The following CNBD1 variants were observed in gnomAD, a reference collection of about 807,000 sequenced individuals.
CNBD1 encodes cyclic nucleotide-binding domain-containing protein 1.
A neutral mutation model predicts 54.4 loss-of-function variants in CNBD1; 71 were observed. The observed-to-expected ratio is 1.30, with a 90% CI of 1.08 to 1.59. The LOEUF is 1.59. Among genes scored for constraint, CNBD1 ranks in the 40% most tolerant of loss-of-function variants. The pLI is 0.00. For synonymous variants in CNBD1, 182 were observed against 170.7 expected (o/e 1.07, Z -0.51); for missense variants, 659 against 518.0 (o/e 1.27, Z -2.64).
At chr8:86,960,844 G>A (rs575052628) in intron 4 of CNBD1, among the ~76,000 whole-genome samples, 1 of 152,286 alleles carries the variant, frequency 6.6e-6, no homozygotes, top group East Asian at 1.9e-4. Context: ...CTGTTCTGCA[G>A]TCTCCGCTGG....
intron 8 of CNBD1, among the ~76,000 whole-genome samples, chr8:87,321,165 C>T (rs1035313350): frequency 1.7e-5 from 1 of 59,674 alleles, no homozygotes; most frequent in Admixed American, 1.4e-4. Flanking sequence ...TTTTGAGATC[C>T]TGATTTCAAT....
chr8:87,275,662 C>G (rs965267370), intron 6 of CNBD1, among the ~76,000 whole-genome samples: 11 of 150,796 alleles, frequency 7.3e-5, no homozygotes, highest in Admixed American at 2.0e-4. Context: ...AAAACTGGCA[C>G]AAGACAGGGA....
chr8:86,908,323 T>A (rs1379667018), intron 3 of CNBD1, among the ~76,000 whole-genome samples: 1 of 152,246 alleles, frequency 6.6e-6, no homozygotes, highest in Non-Finnish European at 1.5e-5. Flanking sequence ...AATTTTGGTA[T>A]ATTCATATAT....
At chr8:87,203,139 G>A (rs562359311) in intron 4 of CNBD1, among the ~76,000 whole-genome samples, 4 of 152,198 alleles carry the variant, frequency 2.6e-5, no homozygotes, top group Admixed American at 1.3e-4. Context: ...ATGGGAATAC[G>A]CTTGGTAAAG....
At chr8:87,366,036 G>T (rs1476598656) in intron 10 of CNBD1, among the ~76,000 whole-genome samples, 1 of 151,970 alleles carries the variant, frequency 6.6e-6, no homozygotes, top group Admixed American at 6.6e-5. Context: ...ATCTAGCCTG[G>T]TAAGAAGCCA....
intron 1 of CNBD1, among the ~76,000 whole-genome samples, chr8:86,879,188 ATTAT>A (rs1808567853): frequency 6.6e-6 from 1 of 152,096 alleles, no homozygotes; most frequent in South Asian, 2.1e-4. Context: ...TCACATTATT[ATTAT>A]TTATTCATTA....
At chr8:87,388,795 C>T (rs528733104) in intron 2 of CNBD1, among the ~76,000 whole-genome samples, 2 of 152,086 alleles carry the variant, frequency 1.3e-5, no homozygotes, top group East Asian at 3.9e-4. Flanking sequence ...AGAGACACAA[C>T]AAAAAAAGAC....
intron 4 of CNBD1, among the ~76,000 whole-genome samples, chr8:87,146,166 A>G (rs547616355): frequency 1.6e-4 from 25 of 152,262 alleles, no homozygotes; most frequent in Non-Finnish European, 3.1e-4. Context: ...AAGTTTTACA[A>G]TTATAATTAT....
chr8:87,040,657 C>G (rs966809481), intron 4 of CNBD1, among the ~76,000 whole-genome samples: 1 of 151,786 alleles, frequency 6.6e-6, no homozygotes, highest in Non-Finnish European at 1.5e-5. Flanking sequence ...ATCTCCTGAC[C>G]TCGTGATCCA....
chr8:87,153,227 G>A (rs1812644066), intron 4 of CNBD1, among the ~76,000 whole-genome samples: 1 of 152,104 alleles, frequency 6.6e-6, no homozygotes, highest in Admixed American at 6.6e-5. Context: ...CTAGTCTCTT[G>A]GGAAAGAAAA....
At chr8:86,940,359 G>A (rs1017442418) in intron 4 of CNBD1, among the ~76,000 whole-genome samples, 1 of 152,010 alleles carries the variant, frequency 6.6e-6, no homozygotes, top group Non-Finnish European at 1.5e-5. Context: ...TAGGGACAGG[G>A]TTTCACCATG....
downstream of CNBD1, among the ~76,000 whole-genome samples, chr8:87,385,524 C>A (rs1203583468): frequency 6.6e-6 from 1 of 152,018 alleles, no homozygotes; most frequent in Non-Finnish European, 1.5e-5. Context: ...TCATTGCTAG[C>A]ACAGCAGTCT....
chr8:87,357,356 C>T (rs1280715883), intron 10 of CNBD1, among the ~76,000 whole-genome samples: 1 of 152,170 alleles, frequency 6.6e-6, no homozygotes, highest in Non-Finnish European at 1.5e-5. Flanking sequence ...AACTCCAACC[C>T]ATGAAAGAAG....
chr8:86,963,562 G>A (rs900710050), intron 4 of CNBD1, among the ~76,000 whole-genome samples: 5 of 152,164 alleles, frequency 3.3e-5, no homozygotes, highest in Non-Finnish European at 5.9e-5. Flanking sequence ...TCACAAGTAG[G>A]TGAAGCTGTG....
chr8:87,128,003 G>GAA (rs1357172490), intron 4 of CNBD1, among the ~76,000 whole-genome samples: 1 of 152,148 alleles, frequency 6.6e-6, no homozygotes, highest in Non-Finnish European at 1.5e-5. Context: ...AAGAATAGCA[G>GAA]AATGGCACGA....
At chr8:87,194,446 G>C (rs906706894) in intron 4 of CNBD1, among the ~76,000 whole-genome samples, 7 of 152,054 alleles carry the variant, frequency 4.6e-5, no homozygotes, top group African/African-American at 1.7e-4. Context: ...TTGGCCCTAG[G>C]ATAGGTATTT....
intron 4 of CNBD1, among the ~76,000 whole-genome samples, chr8:87,177,255 A>G (rs1406951094): frequency 6.6e-6 from 1 of 152,216 alleles, no homozygotes; most frequent in African/African-American, 2.4e-5. Flanking sequence ...ACCTTTAGGA[A>G]GAAATCATCA....
At chr8:86,975,333 C>A (rs1054161078) in intron 4 of CNBD1, among the ~76,000 whole-genome samples, 11 of 152,002 alleles carry the variant, frequency 7.2e-5, no homozygotes, top group Non-Finnish European at 8.8e-5. Context: ...ACCTTCCTGT[C>A]TAATGAAATT....
chr8:86,936,261 C>G (rs555785283), intron 3 of CNBD1, among the ~76,000 whole-genome samples: 1 of 151,912 alleles, frequency 6.6e-6, no homozygotes, highest in Non-Finnish European at 1.5e-5. Flanking sequence ...TAGCTTATTA[C>G]TAAAGAAAAA....
Sources: gnomAD v4.1 joint callset for allele counts (sites outside exome capture counted in the v4.1 genomes callset) on GRCh38, gnomAD v4.1.1 for gene constraint, MANE v1.5 for transcripts, NCBI Gene and HGNC (gene_info 2026-07-23, HGNC 2026-07-21) for gene names.